The following CFAP97D2 variants were observed in gnomAD, a reference collection of about 807,000 sequenced individuals.
CFAP97D2 encodes the protein CFAP97 domain containing 2.
At chr13:114,217,266 C>T (rs548530237) in intron 4 of CFAP97D2, among the ~76,000 whole-genome samples, 2 of 152,300 alleles carry the variant, frequency 1.3e-5, no homozygotes, top group African/African-American at 4.8e-5. Context: ...CGCAAATAAA[C>T]TAGAAAATCT....
intron 4 of CFAP97D2, among the ~76,000 whole-genome samples, chr13:114,215,028 A>G (rs891530053): frequency 1.3e-5 from 2 of 152,232 alleles, no homozygotes; most frequent in Admixed American, 1.3e-4. Context: ...ACACAAAATT[A>G]TGCTGTAACT....
At chr13:114,202,962 C>T (rs1025389573) in intron 3 of CFAP97D2, among the ~76,000 whole-genome samples, 18 of 152,184 alleles carry the variant, frequency 1.2e-4, no homozygotes, top group African/African-American at 2.7e-4. Context: ...GTTCCCACTC[C>T]GAGCTCCAGG....
rs532935540 is a variant in CFAP97D2 at position 114,186,896 on chromosome 13, G to A, written c.90+7476G>A. Reference sequence around the variant, plus strand: ...GGGATGGGATCCAGGCCAGTAGCATGAGCTGAGCACAGCCTGCCAGTCCAA... The same window carrying A: ...GGGATGGGATCCAGGCCAGTAGCATAAGCTGAGCACAGCCTGCCAGTCCAA... On this transcript the variant is annotated intron_variant, in intron 1 of 4. Coordinates refer to ENST00000646158, the Ensembl canonical transcript of CFAP97D2. The surrounding 1 kb of genome is among the most constrained non-coding windows in gnomAD (Gnocchi z 4.3). 6.6e-6 allele frequency among the ~76,000 whole-genome samples: 1 copy of A among 152,350 alleles called. No individual in the cohort carries two copies. The highest frequency in any genetic ancestry group is 2.1e-4 in the South Asian group (1 of 4,832).
downstream of CFAP97D2, chr13:114,222,683 T>C: frequency 2.5e-6 from 1 of 394,646 alleles, no homozygotes; most frequent in Non-Finnish European, 4.5e-6. The surrounding 1 kb of genome is among the most constrained non-coding windows in gnomAD (Gnocchi z 4.4). Flanking sequence ...CTCAGGGCAG[T>C]GTGGGGAATC....
chr13:114,195,653 C>T (rs1038664294), intron 1 of CFAP97D2, among the ~76,000 whole-genome samples: 1 of 152,112 alleles, frequency 6.6e-6, no homozygotes, highest in Non-Finnish European at 1.5e-5. Context: ...TTATTTGTAC[C>T]TTTTCTAAGT....
chr13:114,194,912 C>A (rs1447556591), intron 1 of CFAP97D2, among the ~76,000 whole-genome samples: 1 of 152,196 alleles, frequency 6.6e-6, no homozygotes, highest in Non-Finnish European at 1.5e-5. Context: ...TCTGTGTAGG[C>A]ATCTCAGATT....
At chr13:114,183,968 C>G (rs1267605465) in intron 1 of CFAP97D2, among the ~76,000 whole-genome samples, 1 of 152,118 alleles carries the variant, frequency 6.6e-6, no homozygotes, top group Admixed American at 6.5e-5. Context: ...GACAACATAG[C>G]GAGACACCTT....
intron 4 of CFAP97D2, among the ~76,000 whole-genome samples, chr13:114,214,698 T>G (rs2080985755): frequency 6.6e-6 from 1 of 152,208 alleles, no homozygotes; most frequent in African/African-American, 2.4e-5. Context: ...GTGATTCTCC[T>G]GCCTCAGCCT....
chr13:114,212,518 C>A (rs892392029), intron 4 of CFAP97D2, among the ~76,000 whole-genome samples: 4 of 151,498 alleles, frequency 2.6e-5, no homozygotes, highest in African/African-American at 7.3e-5. Context: ...AGTTCGAGAC[C>A]AGCCTGGGAA....
chr13:114,205,595 C>T (rs564072553), intron 3 of CFAP97D2, among the ~76,000 whole-genome samples: 7 of 152,212 alleles, frequency 4.6e-5, no homozygotes, highest in African/African-American at 1.7e-4. Flanking sequence ...GCAAGTGAAA[C>T]AGCATTTAGA....
chr13:114,200,544 G>T, intron 3 of CFAP97D2, 101 bp downstream of exon 3: 1 of 395,278 alleles, frequency 2.5e-6, no homozygotes, highest in Non-Finnish European at 4.5e-6. Context: ...GGTGGGAGTC[G>T]AGGCGTTTCT....
intron 4 of CFAP97D2, among the ~76,000 whole-genome samples, chr13:114,218,704 G>A (rs2081006579): frequency 6.6e-6 from 1 of 152,122 alleles, no homozygotes; most frequent in Admixed American, 6.6e-5. Flanking sequence ...ACAGAACAGA[G>A]CCCTCAGAAA....
chr13:114,182,294 G>C (rs910786044), intron 1 of CFAP97D2, among the ~76,000 whole-genome samples: 2 of 152,060 alleles, frequency 1.3e-5, no homozygotes, highest in African/African-American at 4.8e-5. Flanking sequence ...GAATAACAAG[G>C]CAGCATTACT....
intron 1 of CFAP97D2, among the ~76,000 whole-genome samples, chr13:114,188,384 A>G (rs1450526180): frequency 6.6e-6 from 1 of 152,196 alleles, no homozygotes; most frequent in Non-Finnish European, 1.5e-5. Flanking sequence ...TGTGGGATGC[A>G]GTGAAAGCTG....
chr13:114,207,013 C>CAGACCCAGT lies in CFAP97D2; in HGVS notation c.291-4898_291-4890dup, dbSNP rs2080943671. 6.6e-6 allele frequency among the ~76,000 whole-genome samples: 1 copy of CAGACCCAGT among 152,190 alleles called. No homozygotes were observed. Among genetic ancestry groups the CAGACCCAGT allele is most frequent in the Non-Finnish European group, 1.5e-5 (1 of 68,030 alleles). On this transcript the variant is annotated intron_variant, in intron 3 of 4. Transcript: ENST00000646158. This position sits in a 1 kb window ranked among gnomAD's most constrained non-coding sequence, Gnocchi z 4.9. ...AATGCCAACAAAAAGGGACCCCTCCCAGACCCAGTGCAATTCCTGAGGGGA... is the reference window on the plus strand; with the variant it reads ...AATGCCAACAAAAAGGGACCCCTCCCAGACCCAGTAGACCCAGTGCAATTCCTGAGGGGA...
chr13:114,217,404 G>A (rs1443464966), intron 4 of CFAP97D2, among the ~76,000 whole-genome samples: 1 of 152,304 alleles, frequency 6.6e-6, no homozygotes, highest in East Asian at 1.9e-4. Context: ...TCCAAAAAAA[G>A]TCCAGGACCA....
At chr13:114,193,161 T>C (rs1594515345) in intron 1 of CFAP97D2, among the ~76,000 whole-genome samples, 1 of 152,150 alleles carries the variant, frequency 6.6e-6, no homozygotes, top group Non-Finnish European at 1.5e-5. Flanking sequence ...TATTTTACAA[T>C]AGATATTTTA....
intron 3 of CFAP97D2, among the ~76,000 whole-genome samples, chr13:114,206,095 T>C (rs558478796): frequency 1.5e-4 from 23 of 148,900 alleles, no homozygotes; most frequent in African/African-American, 5.2e-4. Context: ...AGTAGCTTTT[T>C]TTCTTTTCCT....
At chr13:114,205,284 T>G (rs2080934512) in intron 3 of CFAP97D2, among the ~76,000 whole-genome samples, 1 of 152,218 alleles carries the variant, frequency 6.6e-6, no homozygotes, top group Admixed American at 6.5e-5. Flanking sequence ...CATATTTTAA[T>G]AAATATATGG....
Sources: allele counts gnomAD v4.1 joint callset (sites outside exome capture counted in the v4.1 genomes callset), GRCh38; gene constraint gnomAD v4.1.1; non-coding constraint Gnocchi (gnomAD v3.1); transcripts MANE v1.5; gene names NCBI Gene and HGNC (gene_info 2026-07-23, HGNC 2026-07-21).